The following FAF1 variants were observed in gnomAD, a reference collection of about 807,000 sequenced individuals.
The protein encoded by FAF1 is FAS-associated factor 1.
A neutral mutation model predicts 92.5 loss-of-function variants in FAF1; 25 were observed. That is an observed-to-expected ratio of 0.27 (90% CI 0.20 to 0.38). The LOEUF is 0.38. FAF1 is among the 10% of genes least tolerant of loss of function. FAF1 has a pLI of 1.00. For missense variants in FAF1, 636 were observed against 793.3 expected (o/e 0.80, Z 2.38); for synonymous variants, 234 against 273.2 (o/e 0.86, Z 1.42).
intron 7 of FAF1, among the ~76,000 whole-genome samples, chr1:50,664,913 G>A (rs191259312): frequency 8.5e-5 from 13 of 152,322 alleles, no homozygotes; most frequent in Non-Finnish European, 1.8e-4. Context: ...ACCTTGTCAC[G>A]AAGGGCAATA....
intron 1 of FAF1, among the ~76,000 whole-genome samples, chr1:50,866,973 A>C (rs759793972): frequency 6.6e-6 from 1 of 152,212 alleles, no homozygotes; most frequent in Non-Finnish European, 1.5e-5. Context: ...ACATCATGGT[A>C]CTGGTATAAA....
At chr1:50,452,530 A>G (rs1646306498) in intron 18 of FAF1, among the ~76,000 whole-genome samples, 1 of 152,206 alleles carries the variant, frequency 6.6e-6, no homozygotes, top group African/African-American at 2.4e-5. Context: ...TCACTGAGTT[A>G]GGGGACATGC....
At chr1:50,944,563 C>T (rs1333739245) in intron 1 of FAF1, among the ~76,000 whole-genome samples, 8 of 152,126 alleles carry the variant, frequency 5.3e-5, no homozygotes, top group African/African-American at 1.2e-4. Flanking sequence ...AAATGTCAGG[C>T]GCAAGAGGGT....
intron 2 of FAF1, among the ~76,000 whole-genome samples, chr1:50,829,456 T>C (rs1427845161): frequency 6.6e-6 from 1 of 152,172 alleles, no homozygotes; most frequent in East Asian, 1.9e-4. Flanking sequence ...TATAAATCAA[T>C]TCACCCCCAA....
chr1:50,652,693 G>A (rs1654920706), intron 8 of FAF1, among the ~76,000 whole-genome samples: 1 of 152,166 alleles, frequency 6.6e-6, no homozygotes, highest in Non-Finnish European at 1.5e-5. Flanking sequence ...ATGATTGATA[G>A]ATGCCTAATC....
intron 15 of FAF1, among the ~76,000 whole-genome samples, chr1:50,523,440 T>A (rs1647613672): frequency 1.3e-5 from 2 of 152,226 alleles, no homozygotes; most frequent in South Asian, 2.1e-4. Flanking sequence ...GTTCCATTTT[T>A]AAAATTATAG....
At position 50,625,957 on chromosome 1, in the gene FAF1, A is replaced by C. The variant is rs367777542; in HGVS notation, c.744+29485T>G. Among the ~76,000 whole-genome samples, 27 of 152,328 alleles carry C rather than the reference A, an allele frequency of 1.8e-4. No individual in the cohort carries two copies. In the South Asian group the frequency reaches 4.4e-3, roughly 25 times the overall value. On this transcript the variant is annotated intron_variant, in intron 8 of 18. Transcript: ENST00000396153. ...ACAGGGAAATCAGGAGAAAGTTATA[A>C]GAGTCTAAACTATGGTAAGAATGGT...
At chr1:50,766,960 T>A (rs560065295) in intron 4 of FAF1, among the ~76,000 whole-genome samples, 1 of 152,248 alleles carries the variant, frequency 6.6e-6, no homozygotes, top group Non-Finnish European at 1.5e-5. Flanking sequence ...CAATAGGTCT[T>A]AACCAGGTTG....
intron 8 of FAF1, among the ~76,000 whole-genome samples, chr1:50,639,117 A>G (rs1355922791): frequency 3.3e-5 from 5 of 152,204 alleles, no homozygotes; most frequent in African/African-American, 1.2e-4. Context: ...TAAGTATTGT[A>G]TCTATCAGTA....
intron 12 of FAF1, among the ~76,000 whole-genome samples, chr1:50,581,976 T>C (rs1188801204): frequency 1.3e-5 from 2 of 152,052 alleles, no homozygotes; most frequent in African/African-American, 4.8e-5. Context: ...TTCTAAATTC[T>C]TGTTATGGGC....
chr1:50,851,479 C>G (rs1051208936), intron 2 of FAF1, among the ~76,000 whole-genome samples: 1 of 152,142 alleles, frequency 6.6e-6, no homozygotes, highest in East Asian at 1.9e-4. Context: ...TGAGCTGAAT[C>G]CCTATTTCAT....
chr1:50,623,529 G>C lies in FAF1; in HGVS notation c.745-27313C>G, dbSNP rs144759507. 4.3e-3 allele frequency among the ~76,000 whole-genome samples: 656 copies of C among 151,122 alleles called. 7 individuals are homozygous for C. Among genetic ancestry groups the C allele is most frequent in the African/African-American group, 0.014 (591 of 41,100 alleles). On this transcript the variant is annotated intron_variant, in intron 8 of 18. Coordinates refer to ENST00000396153, the MANE Select transcript of FAF1 (RefSeq NM_007051.3). ...GGGCAAGTTGCAGTGAGCTGAGATC[G>C]TGCCACTTGCACTCCAGCCTAGGCA...
intron 8 of FAF1, among the ~76,000 whole-genome samples, chr1:50,610,315 T>C (rs1572867145): frequency 6.6e-6 from 1 of 152,338 alleles, no homozygotes; most frequent in East Asian, 1.9e-4. Context: ...GAAGTATCCT[T>C]TCCCAAAAGA....
chr1:50,539,456 A>G, intron 14 of FAF1, 136 bp downstream of exon 14: 1 of 559,888 alleles, frequency 1.8e-6, no homozygotes. Flanking sequence ...ATATTTTTTG[A>G]AGACATTTTT....
At position 50,823,239 on chromosome 1, in the gene FAF1, C is replaced by G. The variant is rs537803199; in HGVS notation, c.115-21562G>C. Among the ~76,000 whole-genome samples, 4 of 152,274 alleles carry G rather than the reference C, an allele frequency of 2.6e-5. No individual in the cohort carries two copies. In the East Asian group the frequency reaches 7.7e-4, roughly 29 times the overall value. On this transcript the variant is annotated intron_variant, in intron 2 of 18. Coordinates refer to ENST00000396153, the MANE Select transcript of FAF1 (RefSeq NM_007051.3). Reference sequence around the variant, plus strand: ...TTGTTAACAGCAACCCTGAATATAGCTGCCTACATTTTGAGGTTGTTGTAC... The same window carrying G: ...TTGTTAACAGCAACCCTGAATATAGGTGCCTACATTTTGAGGTTGTTGTAC...
At chr1:50,649,189 C>T (rs1457517176) in intron 8 of FAF1, among the ~76,000 whole-genome samples, 2 of 149,738 alleles carry the variant, frequency 1.3e-5, no homozygotes, top group African/African-American at 2.5e-5. Flanking sequence ...GAGTTTTGCT[C>T]TTGTTGCCCA....
At chr1:50,468,343 A>T (rs1169122865) in intron 18 of FAF1, among the ~76,000 whole-genome samples, 1 of 151,858 alleles carries the variant, frequency 6.6e-6, no homozygotes, top group East Asian at 1.9e-4. Context: ...CCCAGGCTAG[A>T]GTCCAGTGGT....
At chr1:50,630,508 C>T (rs1251691828) in intron 8 of FAF1, among the ~76,000 whole-genome samples, 1 of 152,212 alleles carries the variant, frequency 6.6e-6, no homozygotes, top group African/African-American at 2.4e-5. Flanking sequence ...AGTCTCCCCA[C>T]ATTTTTTGAG....
At chr1:50,617,698 T>TTG (rs1399586063) in intron 8 of FAF1, among the ~76,000 whole-genome samples, 4 of 151,518 alleles carry the variant, frequency 2.6e-5, no homozygotes, top group Non-Finnish European at 4.4e-5. Context: ...CTTCTGTTTT[T>TTG]TTTTTTTTTT....
Sources: gnomAD v4.1 joint callset for allele counts (sites outside exome capture counted in the v4.1 genomes callset) on GRCh38, gnomAD v4.1.1 for gene constraint, MANE v1.5 for transcripts, NCBI Gene and HGNC (gene_info 2026-07-23, HGNC 2026-07-21) for gene names.